Variants in EPHA5 observed in about 807,000 individuals in gnomAD.
EPHA5 encodes ephrin type-A receptor 5.
A neutral mutation model predicts 105.0 loss-of-function variants in EPHA5; 60 were observed. The observed-to-expected ratio is 0.57, with a 90% CI of 0.46 to 0.71. The LOEUF (loss-of-function observed/expected upper bound fraction) is 0.71. EPHA5 is among the 30% of genes least tolerant of loss of function. EPHA5 has a pLI of 0.00. For missense variants in EPHA5, 1,218 were observed against 1,274.7 expected, an observed-to-expected ratio of 0.96 and a Z score of 0.68; for synonymous variants, 513 against 449.1, an observed-to-expected ratio of 1.14 and a Z score of -1.80.
At chr4:65,650,417 G>A (rs930918731) in intron 1 of EPHA5, among the ~76,000 whole-genome samples, 1 of 151,582 alleles carries the variant, frequency 6.6e-6, no homozygotes, top group African/African-American at 2.4e-5. Flanking sequence ...AAATTAACCA[G>A]GGCTTGGTGG....
chr4:65,637,516 C>T (rs1340589905), intron 2 of EPHA5, among the ~76,000 whole-genome samples: 1 of 145,104 alleles, frequency 6.9e-6, no homozygotes, highest in Admixed American at 7.0e-5. Flanking sequence ...ATGAAATCTT[C>T]AAATTTTGTC....
intron 5 of EPHA5, among the ~76,000 whole-genome samples, chr4:65,452,486 G>A (rs1727159552): frequency 6.6e-6 from 1 of 151,762 alleles, no homozygotes; most frequent in African/African-American, 2.4e-5. Flanking sequence ...CTCCAGCGAA[G>A]GACAGAGAAG....
chr4:65,620,008 A>AAAC (rs1745571854), intron 2 of EPHA5, among the ~76,000 whole-genome samples: 1 of 150,536 alleles, frequency 6.6e-6, no homozygotes, highest in Non-Finnish European at 1.5e-5. Context: ...CACTAGTTTA[A>AAAC]TCATCAATAG....
chr4:65,385,070 G>A (rs1160320126), intron 8 of EPHA5, among the ~76,000 whole-genome samples: 1 of 151,566 alleles, frequency 6.6e-6, no homozygotes, highest in Admixed American at 6.6e-5. Flanking sequence ...GAAAAGGAGA[G>A]AAAATTTGAA....
chr4:65,467,570 G>T (rs1409170457), intron 5 of EPHA5, among the ~76,000 whole-genome samples: 1 of 152,146 alleles, frequency 6.6e-6, no homozygotes, highest in Non-Finnish European at 1.5e-5. Context: ...GAAAAATTCA[G>T]TTATCTCAAC....
At chr4:65,427,805 G>T (rs1257753366) in intron 5 of EPHA5, among the ~76,000 whole-genome samples, 2 of 152,052 alleles carry the variant, frequency 1.3e-5, no homozygotes, top group African/African-American at 2.4e-5. Context: ...ATACATCTTT[G>T]ATTTTCATGT....
At chr4:65,496,462 G>T (rs1441815491) in intron 3 of EPHA5, among the ~76,000 whole-genome samples, 1 of 147,228 alleles carries the variant, frequency 6.8e-6, no homozygotes, top group East Asian at 2.1e-4. Context: ...TCCCACTTAT[G>T]AGTGAGAACA....
Position 65,669,586 on chromosome 4 carries a change from G to C in EPHA5, c.157C>G (p.Leu53Val), listed in dbSNP as rs2149570765. Reference protein sequence around the residue: ...CLLLCAALRTLLASPSNEVNL... With the variant: ...CLLLCAALRTVLASPSNEVNL... ...CCTTCGTTGCTGGGGCTGGCCAGGA[G>C]GGTCCGGAGTGCGGCGCACAGGAGA... is the stretch of plus-strand genomic sequence containing the variant. The change falls in exon 1 of 17, where the codon CTC (leucine) becomes GTC (valine). Residue 53 changes from leucine to valine, a missense_variant. Transcript: ENST00000613740. The C allele has an allele frequency of 7.0e-7, 1 of 1,429,638 alleles. No individual in the cohort carries two copies. Among genetic ancestry groups the C allele is most frequent in the Non-Finnish European group, 9.2e-7 (1 of 1,086,926 alleles). The allele number at this position is 1,429,638 out of a possible 1,614,324, so 88.6% of individuals were successfully genotyped here. A position where few individuals can be genotyped will look rare whatever the true frequency, so the allele number is the denominator to read the frequency against.
At chr4:65,583,333 A>T (rs963836593) in intron 3 of EPHA5, among the ~76,000 whole-genome samples, 9 of 151,772 alleles carry the variant, frequency 5.9e-5, no homozygotes, top group Non-Finnish European at 1.0e-4. Flanking sequence ...AGAAAACTAA[A>T]ATAAGCAATA....
intron 3 of EPHA5, among the ~76,000 whole-genome samples, chr4:65,579,375 T>TATATAA (rs1553944337): frequency 1.5e-4 from 22 of 146,544 alleles, no homozygotes; most frequent in Non-Finnish European, 2.5e-4. Context: ...TATATATATA[T>TATATAA]AAATATATAT....
At chr4:65,607,261 AG>A (rs1367913019) in intron 2 of EPHA5, among the ~76,000 whole-genome samples, 1 of 152,162 alleles carries the variant, frequency 6.6e-6, no homozygotes, top group Admixed American at 6.5e-5. Context: ...TTCAGGACAT[AG>A]GCATGGGCAA....
At chr4:65,615,740 A>G (rs966634167) in intron 2 of EPHA5, among the ~76,000 whole-genome samples, 1 of 151,940 alleles carries the variant, frequency 6.6e-6, no homozygotes, top group Non-Finnish European at 1.5e-5. Flanking sequence ...AGATGTCACC[A>G]TACCCCTATT....
chr4:65,476,993 A>G (rs868234668), intron 5 of EPHA5, among the ~76,000 whole-genome samples: 1 of 152,204 alleles, frequency 6.6e-6, no homozygotes, highest in African/African-American at 2.4e-5. Flanking sequence ...AGACATTGAA[A>G]TTATAACACT....
Position 65,570,066 on chromosome 4 carries a change from G to A in EPHA5, c.910+31575C>T, listed in dbSNP as rs374729658. On this transcript the variant is annotated intron_variant, in intron 3 of 16. Transcript: ENST00000613740. ...AGAAGGCCCATAATTATATATAATA[G>A]ATGAGAAAAGAAGCTAGATCACTGG... Among the ~76,000 whole-genome samples the A allele has an allele frequency of 1.7e-4, 26 of 151,734 alleles. 2 individuals are homozygous for A. In the South Asian group the frequency reaches 5.4e-3, roughly 31 times the overall value.
intron 2 of EPHA5, among the ~76,000 whole-genome samples, chr4:65,624,474 T>G (rs1578614262): frequency 6.6e-6 from 1 of 152,274 alleles, no homozygotes; most frequent in Non-Finnish European, 1.5e-5. Context: ...TACTAAAGGG[T>G]GAGTTTTCTT....
At chr4:65,650,391 C>CAAA (rs11345574) in intron 1 of EPHA5, among the ~76,000 whole-genome samples, 18 of 136,940 alleles carry the variant, frequency 1.3e-4, no homozygotes, top group African/African-American at 4.1e-4. Flanking sequence ...ACTAAACATA[C>CAAA]AAAAAAAAAA....
At chr4:65,392,368 A>G (rs1720803553) in intron 8 of EPHA5, among the ~76,000 whole-genome samples, 1 of 152,110 alleles carries the variant, frequency 6.6e-6, no homozygotes, top group Admixed American at 6.6e-5. Context: ...AAAATCAGGG[A>G]TTGTATATAT....
At chr4:65,439,244 G>A (rs10013782) in intron 5 of EPHA5, among the ~76,000 whole-genome samples, 84,254 of 151,880 alleles carry the variant, frequency 0.55, 23,851 homozygotes, top group Non-Finnish European at 0.62. Context: ...GAATACATTC[G>A]TATATATAAA....
At position 65,541,210 on chromosome 4, in the gene EPHA5, C is replaced by T. The variant is rs550632895; in HGVS notation, c.911-45667G>A. On this transcript the variant is annotated intron_variant, in intron 3 of 16. Transcript: ENST00000613740. Reference sequence around the variant, plus strand: ...TGGAATCAACTAGTGTGAAAAATAACTAGATAGTATCAGGATGATAGGATA... The same window carrying T: ...TGGAATCAACTAGTGTGAAAAATAATTAGATAGTATCAGGATGATAGGATA... Among the ~76,000 whole-genome samples the T allele has an allele frequency of 2.6e-5, 4 of 151,682 alleles. No individual in the cohort carries two copies. The East Asian group carries it at 7.7e-4, about 29-fold the overall frequency.
Sources: allele counts gnomAD v4.1 joint callset (sites outside exome capture counted in the v4.1 genomes callset), GRCh38; gene constraint gnomAD v4.1.1; transcripts MANE v1.5; gene names NCBI Gene and HGNC (gene_info 2026-07-23, HGNC 2026-07-21).